Variants in AGPAT5 observed in about 807,000 individuals in gnomAD.
AGPAT5 encodes 1-acylglycerol-3-phosphate O-acyltransferase 5.
AGPAT5 carries 46 observed loss-of-function variants against 45.6 expected under a neutral mutation model. That is an observed-to-expected ratio of 1.01 (90% confidence interval 0.80 to 1.29). The LOEUF (loss-of-function observed/expected upper bound fraction) is 1.29. Ranked by LOEUF, AGPAT5 falls within the 50% of genes most tolerant of loss-of-function variation. The pLI is 0.00. For missense variants in AGPAT5, 673 were observed against 450.7 expected (o/e 1.49, Z -4.47); for synonymous variants, 272 against 167.0 (o/e 1.63, Z -4.85).
At position 6,759,639 on chromosome 8, in the gene AGPAT5, AAAAAT is replaced by A. The variant is rs1478204109; in HGVS notation, c.*2257_*2261del. ...GGTGTGTTTGGATGAAAGTAAAAAA[AAAAAT>A]AAAATCTTTCACTGTCTCTAATGGC... On this transcript the variant is annotated 3_prime_UTR_variant, in exon 8 of 8. Transcript: ENST00000285518. 6.6e-6 allele frequency: 1 copy of A among 152,224 alleles called. No individual in the cohort carries two copies. Among genetic ancestry groups the A allele is most frequent in the Non-Finnish European group, 1.5e-5 (1 of 68,044 alleles). 9.4% of individuals were successfully genotyped at this position (152,224 alleles called of 1,614,324 possible).
chr8:6,717,494 G>A (rs145221861), intron 1 of AGPAT5, among the ~76,000 whole-genome samples: 13 of 152,240 alleles, frequency 8.5e-5, no homozygotes, highest in African/African-American at 1.2e-4. Context: ...AGTCTCTACC[G>A]TAAAGTAACA....
intron 7 of AGPAT5, 132 bp downstream of exon 7, chr8:6,755,306 T>C: frequency 9.8e-7 from 1 of 1,021,786 alleles, no homozygotes; most frequent in Non-Finnish European, 1.4e-6. Context: ...TCAAATTTTA[T>C]GCATGTCTGA....
chr8:6,708,661 C>G lies in AGPAT5; in HGVS notation c.-8C>G. The G allele has an allele frequency of 1.3e-6, 2 of 1,555,220 alleles. No homozygotes were observed. The highest frequency in any genetic ancestry group is 1.4e-5 in the African/African-American group (1 of 71,416). On this transcript the variant is annotated 5_prime_UTR_variant, in exon 1 of 8. Coordinates refer to ENST00000285518, the MANE Select transcript of AGPAT5 (RefSeq NM_018361.5). ...GCAGGCGGAGCTCGCTGCCGCCGAG[C>G]TGAGAAGATGCTGCTGTCCCTGGTG...
intron 1 of AGPAT5, among the ~76,000 whole-genome samples, chr8:6,719,335 A>G (rs930623416): frequency 2.0e-5 from 3 of 152,240 alleles, no homozygotes; most frequent in Non-Finnish European, 4.4e-5. Flanking sequence ...AAGACAGACT[A>G]CTTGCAGGAT....
At chr8:6,713,619 G>T (rs1298321344) in intron 1 of AGPAT5, among the ~76,000 whole-genome samples, 2 of 152,132 alleles carry the variant, frequency 1.3e-5, no homozygotes, top group Non-Finnish European at 2.9e-5. Flanking sequence ...CAGTGGTGCA[G>T]TCTCCACTCA....
rs1800906498 is a variant in AGPAT5, at chr8:6,732,687, C to T, written c.495+37C>T. On this transcript the variant is annotated intron_variant, in intron 4 of 7. Coordinates refer to ENST00000285518, the MANE Select transcript of AGPAT5 (RefSeq NM_018361.5). ...CCCGTTTTTATTTTTCTTACCAGCT[C>T]TCAGTTTCTAAATTTAAGAATTAAA... is the stretch of plus-strand genomic sequence containing the variant. 5 of 1,472,712 alleles carry T rather than the reference C, an allele frequency of 3.4e-6. No homozygotes were observed. In the African/African-American group the frequency reaches 4.3e-5, roughly 13 times the overall value. 91.2% of individuals were successfully genotyped at this position (1,472,712 alleles called of 1,614,324 possible).
intron 2 of AGPAT5, among the ~76,000 whole-genome samples, chr8:6,728,080 G>T (rs758677389): frequency 1.3e-5 from 2 of 152,144 alleles, no homozygotes; most frequent in Non-Finnish European, 2.9e-5. Context: ...GACTACACAG[G>T]GCCCTCATGA....
chr8:6,717,366 C>T (rs575268431), intron 1 of AGPAT5, among the ~76,000 whole-genome samples: 7 of 152,092 alleles, frequency 4.6e-5, no homozygotes, highest in South Asian at 4.2e-4. Context: ...ATTCCAGGGG[C>T]GGAAAGAAAG....
intron 1 of AGPAT5, among the ~76,000 whole-genome samples, chr8:6,718,325 C>G (rs1008025778): frequency 1.3e-5 from 2 of 152,304 alleles, no homozygotes; most frequent in Non-Finnish European, 2.9e-5. Flanking sequence ...CCGTCACTGC[C>G]TGGCTTTGAT....
chr8:6,748,407 G>A (rs1032606298), intron 6 of AGPAT5, among the ~76,000 whole-genome samples: 1 of 152,184 alleles, frequency 6.6e-6, no homozygotes, highest in Non-Finnish European at 1.5e-5. Context: ...CATGGAAATA[G>A]GCAAACAGGG....
At chr8:6,718,414 T>G (rs1336612607) in intron 1 of AGPAT5, among the ~76,000 whole-genome samples, 1 of 152,194 alleles carries the variant, frequency 6.6e-6, no homozygotes, top group African/African-American at 2.4e-5. Context: ...CATTTCCAAT[T>G]TCCTGCTGGC....
intron 4 of AGPAT5, among the ~76,000 whole-genome samples, chr8:6,733,541 A>G (rs1320024535): frequency 6.6e-6 from 1 of 152,178 alleles, no homozygotes; most frequent in Non-Finnish European, 1.5e-5. Context: ...ATGGAATGAG[A>G]TGAACAGTGA....
intron 2 of AGPAT5, among the ~76,000 whole-genome samples, chr8:6,730,114 T>C (rs1378361508): frequency 6.6e-6 from 1 of 152,074 alleles, no homozygotes; most frequent in Admixed American, 6.6e-5. Flanking sequence ...CTTTGTTTTC[T>C]AGACTTTAGG....
intron 4 of AGPAT5, among the ~76,000 whole-genome samples, chr8:6,737,549 G>A (rs758750937): frequency 4.6e-5 from 7 of 152,170 alleles, no homozygotes; most frequent in Non-Finnish European, 7.3e-5. Context: ...ATTGGTTGTG[G>A]ATGCAAATGA....
chr8:6,745,841 T>A (rs1335880686), intron 5 of AGPAT5: 1 of 152,184 alleles, frequency 6.6e-6, no homozygotes, highest in Non-Finnish European at 1.5e-5. Context: ...CATGCTTAGC[T>A]TCGGTTGATT....
chr8:6,739,119 A>C (rs918573467), intron 4 of AGPAT5, among the ~76,000 whole-genome samples: 3 of 152,108 alleles, frequency 2.0e-5, no homozygotes, highest in Non-Finnish European at 4.4e-5. Flanking sequence ...CCCTAGATCA[A>C]TGGAGCATTT....
rs1802025270 is a variant in AGPAT5 at position 6,761,060 on chromosome 8, CAA to C, written c.*3674_*3675del. Among the ~76,000 whole-genome samples, 1 of 152,040 alleles carries C rather than the reference CAA, an allele frequency of 6.6e-6. No individual in the cohort carries two copies. The highest frequency in any genetic ancestry group is 2.4e-5 in the African/African-American group (1 of 41,394). The stretch of plus-strand genomic sequence containing the variant: ...GCAACTGGGGAGTCATATATGAGGT[CAA>C]AGACATATACCTTGTTATTATAATA... On this transcript the variant is annotated 3_prime_UTR_variant, in exon 8 of 8. Transcript: ENST00000285518.
Position 6,708,814 on chromosome 8 carries a change from C to A in AGPAT5, c.146C>A (p.Ala49Glu). Residue 49 changes from alanine (A) to glutamate (E), a missense_variant, in exon 1 of 8, where the codon GCG becomes GAG. Ala to Glu is a moderately radical substitution (Grantham distance 107). Transcript: ENST00000285518. Reference sequence around the variant, plus strand: ...TTCCTGCCCGCCCGCTTCTACCAAGCGCTGGACGACCGGCTCTACTGCGTC... The same window carrying A: ...TTCCTGCCCGCCCGCTTCTACCAAGAGCTGGACGACCGGCTCTACTGCGTC... ...SAFLPARFYQ[A>E]LDDRLYCVYQ... 1.2e-6 allele frequency: 2 copies of A among 1,611,498 alleles called. No individual in the cohort carries two copies. Among genetic ancestry groups the A allele is most frequent in the Non-Finnish European group, 1.7e-6 (2 of 1,179,726 alleles).
In AGPAT5 at chr8:6,759,889, T is replaced by C. The variant is rs537609015; in HGVS notation, c.*2501T>C. Among the ~76,000 whole-genome samples, 7 of 152,366 alleles carry C rather than the reference T, an allele frequency of 4.6e-5. 1 individual carries two copies. In the South Asian group the frequency reaches 1.4e-3, roughly 32 times the overall value. On this transcript the variant is annotated 3_prime_UTR_variant, in exon 8 of 8. Coordinates refer to ENST00000285518, the MANE Select transcript of AGPAT5 (RefSeq NM_018361.5). ...ATAAGATGCATGGCCGATGTTAATT[T>C]GCTTGGCAATTCTGTAATCATTAAG...
Sources: allele counts gnomAD v4.1 joint callset (sites outside exome capture counted in the v4.1 genomes callset), GRCh38; gene constraint gnomAD v4.1.1; transcripts MANE v1.5; gene names NCBI Gene and HGNC (gene_info 2026-07-23, HGNC 2026-07-21).